The following TAX1BP1 variants were observed in gnomAD, a reference collection of about 807,000 sequenced individuals.
The protein encoded by TAX1BP1 is tax1-binding protein 1.
A neutral mutation model predicts 97.7 loss-of-function variants in TAX1BP1; 62 were observed. That is an observed-to-expected ratio of 0.63 (90% CI 0.52 to 0.78). TAX1BP1 has a LOEUF of 0.78. TAX1BP1 is among the 30% of genes least tolerant of loss of function. The pLI, the probability that TAX1BP1 is intolerant of heterozygous loss-of-function variation, is 0.00. For synonymous variants in TAX1BP1, 340 were observed against 304.2 expected, an observed-to-expected ratio of 1.12 and a Z score of -1.23; for missense variants, 867 against 916.1, an observed-to-expected ratio of 0.95 and a Z score of 0.69.
intron 12 of TAX1BP1, among the ~76,000 whole-genome samples, chr7:27,797,989 T>G (rs918903218): frequency 6.6e-6 from 1 of 152,132 alleles, no homozygotes; most frequent in Non-Finnish European, 1.5e-5. Flanking sequence ...GTTTTTTTGG[T>G]ACCTGTTTGC....
chr7:27,778,554 A>G (rs1314310458), intron 5 of TAX1BP1, among the ~76,000 whole-genome samples: 2 of 152,142 alleles, frequency 1.3e-5, no homozygotes, highest in Non-Finnish European at 2.9e-5. Flanking sequence ...AACTTCAGTT[A>G]CCTTGATTTT....
At chr7:27,751,067 A>G (rs1196937043) in intron 2 of TAX1BP1, among the ~76,000 whole-genome samples, 3 of 152,220 alleles carry the variant, frequency 2.0e-5, no homozygotes, top group East Asian at 3.8e-4. Flanking sequence ...GGGCTCCTGT[A>G]TAAGATTTTA....
intron 10 of TAX1BP1, 142 bp from the exon 11 acceptor site, chr7:27,794,181 G>T: frequency 1.5e-6 from 1 of 664,942 alleles, no homozygotes; most frequent in Non-Finnish European, 2.3e-6. Context: ...AGTCTTTGTT[G>T]GCTTTTAAAA....
At chr7:27,810,717 A>G (rs1460839301) in intron 13 of TAX1BP1, among the ~76,000 whole-genome samples, 1 of 152,130 alleles carries the variant, frequency 6.6e-6, no homozygotes, top group Admixed American at 6.6e-5. Flanking sequence ...TCCTGGGCTC[A>G]GGTGATCTTC....
chr7:27,746,398 A>C (rs1365296121), intron 1 of TAX1BP1, among the ~76,000 whole-genome samples: 1 of 135,728 alleles, frequency 7.4e-6, no homozygotes, highest in Admixed American at 7.4e-5. Flanking sequence ...TTTTTTTTTT[A>C]AAGAACTGGA....
In TAX1BP1 at chr7:27,748,548, A is replaced by G. The variant is rs1787911452; in HGVS notation, c.24A>G (p.Pro8=). Residue 8 remains proline (P), a synonymous_variant, in exon 2 of 17, where the codon CCA becomes CCG. Transcript: ENST00000396319. MTSFQEV[P]LQTSNFAHVI... Reference sequence around the variant, plus strand: ...CAATGACATCCTTTCAAGAAGTCCCATTGCAGACTTCCAACTTTGCCCATG... The same window carrying G: ...CAATGACATCCTTTCAAGAAGTCCCGTTGCAGACTTCCAACTTTGCCCATG... 5.6e-6 allele frequency: 9 copies of G among 1,598,960 alleles called. No individual in the cohort carries two copies. The highest frequency in any genetic ancestry group is 7.7e-6 in the Non-Finnish European group (9 of 1,171,596).
chr7:27,816,795 A>C, intron 14 of TAX1BP1, 95 bp from the exon 15 acceptor site: 1 of 1,459,166 alleles, frequency 6.9e-7, no homozygotes, highest in Non-Finnish European at 9.3e-7. Flanking sequence ...TCACATGCCA[A>C]AGTGGTTCTT....
intron 2 of TAX1BP1, among the ~76,000 whole-genome samples, chr7:27,756,972 C>T (rs1413194612): frequency 3.3e-5 from 5 of 152,088 alleles, no homozygotes; most frequent in African/African-American, 1.2e-4. Flanking sequence ...ACTTTCTCTT[C>T]TATATAATTA....
At chr7:27,778,111 A>G (rs1789106692) in intron 5 of TAX1BP1, among the ~76,000 whole-genome samples, 1 of 152,162 alleles carries the variant, frequency 6.6e-6, no homozygotes. Flanking sequence ...CGTATTTGGC[A>G]TTCTGTTCTT....
intron 13 of TAX1BP1, among the ~76,000 whole-genome samples, chr7:27,809,518 C>T (rs1449085220): frequency 6.6e-6 from 1 of 152,210 alleles, no homozygotes. Flanking sequence ...AGAACCTTCT[C>T]TAAGTCCAGG....
At chr7:27,770,000 C>T (rs2128312535) in intron 5 of TAX1BP1, among the ~76,000 whole-genome samples, 166 bp downstream of exon 5, 1 of 152,104 alleles carries the variant, frequency 6.6e-6, no homozygotes, top group South Asian at 2.1e-4. Flanking sequence ...AACCTTCTGC[C>T]ACAGCTGCTT....
At chr7:27,784,572 G>GT (rs1391836380) in intron 5 of TAX1BP1, among the ~76,000 whole-genome samples, 8 of 152,144 alleles carry the variant, frequency 5.3e-5, no homozygotes, top group Non-Finnish European at 8.8e-5. Context: ...ATGGTGTCGT[G>GT]TAAGACTTGA....
chr7:27,769,935 T>A, intron 5 of TAX1BP1, 101 bp downstream of exon 5: 1 of 1,158,808 alleles, frequency 8.6e-7, no homozygotes, highest in Non-Finnish European at 1.2e-6. Flanking sequence ...AACCAGGTAC[T>A]GAGAAAAGTA....
intron 5 of TAX1BP1, among the ~76,000 whole-genome samples, chr7:27,775,023 T>G (rs1316563075): frequency 6.6e-6 from 1 of 152,170 alleles, no homozygotes; most frequent in African/African-American, 2.4e-5. Context: ...TGGAATTTGG[T>G]TTACATTTAT....
chr7:27,776,749 G>A (rs1789047469), intron 5 of TAX1BP1, among the ~76,000 whole-genome samples: 1 of 147,940 alleles, frequency 6.8e-6, no homozygotes, highest in Admixed American at 6.7e-5. Context: ...CTTCTTCAGG[G>A]ACTCGAGTAC....
chr7:27,778,571 A>ACTT (rs1291888159), intron 5 of TAX1BP1, among the ~76,000 whole-genome samples: 1 of 152,116 alleles, frequency 6.6e-6, no homozygotes, highest in Non-Finnish European at 1.5e-5. Context: ...TTTTTAAAAA[A>ACTT]CTTATACAAT....
At chr7:27,760,922 G>C (rs1019279252) in intron 3 of TAX1BP1, among the ~76,000 whole-genome samples, 2 of 152,142 alleles carry the variant, frequency 1.3e-5, no homozygotes, top group Non-Finnish European at 2.9e-5. Flanking sequence ...CTGTGGTATG[G>C]CCTGGGTTTT....
intron 15 of TAX1BP1, among the ~76,000 whole-genome samples, chr7:27,824,018 A>T (rs1200163811): frequency 1.3e-5 from 2 of 152,168 alleles, no homozygotes; most frequent in African/African-American, 4.8e-5. Flanking sequence ...TGCATATATC[A>T]ATAGACATTT....
At chr7:27,776,040 C>G (rs1583694249) in intron 5 of TAX1BP1, among the ~76,000 whole-genome samples, 2 of 152,188 alleles carry the variant, frequency 1.3e-5, no homozygotes, top group East Asian at 1.9e-4. Context: ...CTTATCTGGT[C>G]AAGCACTGAC....
Sources: gnomAD v4.1 joint callset for allele counts (sites outside exome capture counted in the v4.1 genomes callset) on GRCh38, gnomAD v4.1.1 for gene constraint, MANE v1.5 for transcripts, NCBI Gene and HGNC (gene_info 2026-07-23, HGNC 2026-07-21) for gene names.